The following TRDN variants were observed in gnomAD, a reference collection of about 807,000 sequenced individuals.
TRDN encodes triadin.
A neutral mutation model predicts 149.7 loss-of-function variants in TRDN; 161 were observed. The ratio of observed to expected loss-of-function variants is 1.08; its 90% confidence interval spans 0.95 to 1.23. TRDN has a LOEUF of 1.23. TRDN is among the 50% of genes most tolerant of loss of function. The pLI, the probability that TRDN is intolerant of heterozygous loss-of-function variation, is 0.00. For missense variants in TRDN, 896 were observed against 823.5 expected (o/e 1.09, Z -1.08); for synonymous variants, 294 against 250.5 (o/e 1.17, Z -1.64).
chr6:123,433,633 A>G lies in TRDN; in HGVS notation c.1051+4430T>C, dbSNP rs1217202901. On this transcript the variant is annotated intron_variant, in intron 12 of 40. Coordinates refer to ENST00000334268, the MANE Select transcript of TRDN (RefSeq NM_006073.4). ...TTGTAATTTATAGTTCTATACAGATAATTCCTGAAAAAAAAATCCTATTGG... is the reference window on the plus strand; with the variant it reads ...TTGTAATTTATAGTTCTATACAGATGATTCCTGAAAAAAAAATCCTATTGG... Among the ~76,000 whole-genome samples, 5 of 152,134 alleles carry G rather than the reference A, an allele frequency of 3.3e-5. 1 individual carries two copies. The highest frequency in any genetic ancestry group is 7.2e-5 in the African/African-American group (3 of 41,426).
At chr6:123,425,535 A>G (rs1475733237) in intron 12 of TRDN, among the ~76,000 whole-genome samples, 2 of 152,026 alleles carry the variant, frequency 1.3e-5, no homozygotes, top group African/African-American at 4.8e-5. Context: ...AGTGCTTCCA[A>G]TTTGGGATTC....
At chr6:123,321,920 T>C (rs1779257202) in intron 23 of TRDN, among the ~76,000 whole-genome samples, 1 of 152,136 alleles carries the variant, frequency 6.6e-6, no homozygotes, top group African/African-American at 2.4e-5. Flanking sequence ...CTTCAGTTCA[T>C]AGATTGCCAA....
intron 31 of TRDN, among the ~76,000 whole-genome samples, chr6:123,268,695 G>T (rs1168831940): frequency 6.6e-6 from 1 of 151,944 alleles, no homozygotes; most frequent in Admixed American, 6.6e-5. Context: ...GGGACTCCAG[G>T]TGTCATCAGA....
chr6:123,446,910 T>C (rs1384423158), intron 10 of TRDN, among the ~76,000 whole-genome samples: 1 of 136,000 alleles, frequency 7.4e-6, no homozygotes, highest in Non-Finnish European at 1.6e-5. Flanking sequence ...ATATTCTTCT[T>C]CTATTTTTTT....
chr6:123,375,005 C>T (rs1174158893), intron 19 of TRDN, among the ~76,000 whole-genome samples: 4 of 152,082 alleles, frequency 2.6e-5, no homozygotes, highest in African/African-American at 7.2e-5. Flanking sequence ...CTTAAAATAA[C>T]TTTTATTAAT....
At chr6:123,327,132 G>GT (rs977460015) in intron 23 of TRDN, among the ~76,000 whole-genome samples, 40 of 151,894 alleles carry the variant, frequency 2.6e-4, no homozygotes, top group African/African-American at 9.4e-4. Flanking sequence ...AACAAGTGTG[G>GT]TTTTCCATTT....
At chr6:123,271,651 C>T (rs1341059814) in intron 29 of TRDN, among the ~76,000 whole-genome samples, 2 of 152,024 alleles carry the variant, frequency 1.3e-5, no homozygotes, top group Middle Eastern at 3.4e-3. Flanking sequence ...AAGTTGATGC[C>T]TTTGTGGGAT....
intron 1 of TRDN, among the ~76,000 whole-genome samples, chr6:123,599,367 T>C (rs1784176204): frequency 6.6e-6 from 1 of 152,058 alleles, no homozygotes; most frequent in African/African-American, 2.4e-5. Flanking sequence ...CATTGCAAAG[T>C]ACACAACTGA....
chr6:123,230,857 A>G (rs73771537), intron 38 of TRDN, among the ~76,000 whole-genome samples: 7,833 of 152,070 alleles, frequency 0.052, 581 homozygotes, highest in African/African-American at 0.18. Context: ...CATTTAAGAT[A>G]AAGTTACTTT....
chr6:123,588,799 T>C (rs1783641394), intron 1 of TRDN, among the ~76,000 whole-genome samples: 1 of 152,218 alleles, frequency 6.6e-6, no homozygotes, highest in African/African-American at 2.4e-5. Context: ...ATAGCATGTA[T>C]CTTTTTCTGG....
At chr6:123,630,501 C>A (rs1200393989) in intron 1 of TRDN, among the ~76,000 whole-genome samples, 1 of 151,822 alleles carries the variant, frequency 6.6e-6, no homozygotes, top group African/African-American at 2.4e-5. Flanking sequence ...GATTCCTAAG[C>A]CTTTAGTATA....
chr6:123,227,596 T>A (rs904565487), intron 38 of TRDN, among the ~76,000 whole-genome samples: 1 of 151,984 alleles, frequency 6.6e-6, no homozygotes, highest in Non-Finnish European at 1.5e-5. Flanking sequence ...TGTGAGATCA[T>A]CACTTTTAAT....
chr6:123,322,750 C>CAGCCTCCCCAGG (rs1779291569), intron 23 of TRDN, among the ~76,000 whole-genome samples: 2 of 151,784 alleles, frequency 1.3e-5, no homozygotes, highest in African/African-American at 2.4e-5. Context: ...ATGCCATTCT[C>CAGCCTCCCCAGG]CTGCCTCAGC....
intron 5 of TRDN, among the ~76,000 whole-genome samples, chr6:123,516,658 T>C (rs1263054671): frequency 1.3e-5 from 2 of 152,128 alleles, no homozygotes; most frequent in Non-Finnish European, 2.9e-5. Flanking sequence ...AGAAACATTC[T>C]ACACTAAATG....
chr6:123,555,292 A>T (rs1781586402), intron 2 of TRDN, among the ~76,000 whole-genome samples: 2 of 152,080 alleles, frequency 1.3e-5, no homozygotes, highest in African/African-American at 4.8e-5. Context: ...TTAGAGCCAA[A>T]TGCCTTTTTT....
At chr6:123,542,743 G>A (rs1780900145) in intron 4 of TRDN, among the ~76,000 whole-genome samples, 1 of 151,908 alleles carries the variant, frequency 6.6e-6, no homozygotes, top group African/African-American at 2.4e-5. Flanking sequence ...AAAACACTAA[G>A]ATACCTATGC....
At chr6:123,618,763 A>G (rs116917424) in intron 1 of TRDN, among the ~76,000 whole-genome samples, 4 of 152,106 alleles carry the variant, frequency 2.6e-5, no homozygotes, top group African/African-American at 9.7e-5. Flanking sequence ...GCCCATTCAC[A>G]TTTGCAAAAT....
chr6:123,552,018 A>G (rs1437383057), intron 2 of TRDN, among the ~76,000 whole-genome samples: 6 of 151,648 alleles, frequency 4.0e-5, no homozygotes. Context: ...GCAAGGATTA[A>G]AACTGGAAAA....
chr6:123,221,344 A>G (rs1004417203), intron 40 of TRDN, 143 bp downstream of exon 40: 6 of 428,258 alleles, frequency 1.4e-5, no homozygotes, highest in African/African-American at 1.0e-4. Flanking sequence ...AATATAAATG[A>G]CCTACTTTAA....
Sources: allele counts gnomAD v4.1 joint callset (sites outside exome capture counted in the v4.1 genomes callset), GRCh38; gene constraint gnomAD v4.1.1; transcripts MANE v1.5; gene names NCBI Gene and HGNC (gene_info 2026-07-23, HGNC 2026-07-21).